Variants in ARSK observed in about 807,000 individuals in gnomAD.
ARSK encodes the protein arylsulfatase K.
ARSK carries 37 observed loss-of-function variants against 53.2 expected under a neutral mutation model. That is an observed-to-expected ratio of 0.70 (90% CI 0.54 to 0.92). The LOEUF is 0.92. Among genes scored for constraint, ARSK ranks in the 40% least tolerant of loss-of-function variants. The pLI, the probability that ARSK is intolerant of heterozygous loss-of-function variation, is 0.00. For missense variants in ARSK, 613 were observed against 643.0 expected, an observed-to-expected ratio of 0.95 and a Z score of 0.51; for synonymous variants, 208 against 223.2, an observed-to-expected ratio of 0.93 and a Z score of 0.61.
intron 6 of ARSK, among the ~76,000 whole-genome samples, chr5:95,594,573 G>C (rs1327530941): frequency 6.6e-6 from 1 of 152,208 alleles, no homozygotes; most frequent in Non-Finnish European, 1.5e-5. Flanking sequence ...TGGGCACGGT[G>C]GCTCACGCCT....
At chr5:95,566,183 C>T in intron 2 of ARSK, 56 bp downstream of exon 2, 1 of 1,581,290 alleles carries the variant, frequency 6.3e-7, no homozygotes, top group Non-Finnish European at 8.6e-7. Context: ...AAAATATATT[C>T]ACAGTTTAAA....
At chr5:95,569,465 G>T (rs1748786397) in intron 3 of ARSK, among the ~76,000 whole-genome samples, 1 of 152,058 alleles carries the variant, frequency 6.6e-6, no homozygotes. Context: ...AATCATGACT[G>T]CTGTCTTTAT....
intron 3 of ARSK, among the ~76,000 whole-genome samples, chr5:95,574,933 A>G (rs754134082): frequency 1.3e-5 from 2 of 152,146 alleles, no homozygotes; most frequent in Non-Finnish European, 2.9e-5. Context: ...CCAGTGTCCT[A>G]GAGAGTTTCC....
intron 5 of ARSK, among the ~76,000 whole-genome samples, chr5:95,589,558 T>A (rs989528488): frequency 6.6e-6 from 1 of 152,226 alleles, no homozygotes; most frequent in African/African-American, 2.4e-5. Flanking sequence ...GTTAGTTAGC[T>A]AAAGATAATG....
intron 6 of ARSK, among the ~76,000 whole-genome samples, chr5:95,598,994 A>T (rs947674426): frequency 1.2e-4 from 18 of 152,154 alleles, no homozygotes; most frequent in African/African-American, 3.9e-4. Flanking sequence ...CATGCCTGCC[A>T]TCACTCTCTA....
chr5:95,567,957 T>C lies in ARSK; in HGVS notation c.324T>C (p.Asn108=), dbSNP rs780761167. Residue 108 remains asparagine (N), a synonymous_variant, in exon 3 of 8, where the codon AAT becomes AAC. Transcript: ENST00000380009. ...ATAATTTTAAGGGTCTAGATCCAAA[T>C]TATACAACATGGATGGATGTCATGG... The part of the protein sequence containing the change: ...SWNNFKGLDP[N]YTTWMDVMER... The C allele has an allele frequency of 1.2e-6, 2 of 1,613,790 alleles. No homozygotes were observed. Among genetic ancestry groups the C allele is most frequent in the East Asian group, 4.5e-5 (2 of 44,866 alleles).
At chr5:95,597,772 T>TA (rs1458078035) in intron 6 of ARSK, among the ~76,000 whole-genome samples, 2 of 152,036 alleles carry the variant, frequency 1.3e-5, no homozygotes, top group Non-Finnish European at 1.5e-5. Flanking sequence ...TGTGCACCTG[T>TA]AATCCCAGCT....
chr5:95,588,604 C>T (rs1749162432), intron 5 of ARSK, among the ~76,000 whole-genome samples: 1 of 152,030 alleles, frequency 6.6e-6, no homozygotes, highest in African/African-American at 2.4e-5. Context: ...ACATTAAGTA[C>T]CTACTAGCTG....
intron 1 of ARSK, among the ~76,000 whole-genome samples, chr5:95,563,648 A>G (rs1468940347): frequency 6.6e-6 from 1 of 152,232 alleles, no homozygotes; most frequent in East Asian, 1.9e-4. Context: ...TTAATCTGAC[A>G]CATTAGTTAT....
chr5:95,584,468 A>G (rs1022439595), intron 4 of ARSK, among the ~76,000 whole-genome samples: 1 of 152,200 alleles, frequency 6.6e-6, no homozygotes, highest in African/African-American at 2.4e-5. Flanking sequence ...ATTCATGCAT[A>G]TCAAACCACA....
chr5:95,568,179 T>A, intron 3 of ARSK, 130 bp downstream of exon 3: 1 of 962,268 alleles, frequency 1.0e-6, no homozygotes. Flanking sequence ...TTCATTGTGT[T>A]AATTAGGCTG....
rs17552010 is a variant in ARSK, at chr5:95,555,635, TC to T, written c.126+232del. Among the ~76,000 whole-genome samples, 9,037 of 152,116 alleles carry T rather than the reference TC, an allele frequency of 0.059. 321 individuals are homozygous for T. The highest frequency in any genetic ancestry group is 0.11 in the East Asian group (567 of 5,170). Reference sequence around the variant, plus strand: ...GAAACACTGAAAACATCTTTGCAGATCTTTTTTTTTTAATACTGACCTCGAT... The same window carrying T: ...GAAACACTGAAAACATCTTTGCAGATTTTTTTTTTTAATACTGACCTCGAT... On this transcript the variant is annotated intron_variant, in intron 1 of 7. Transcript: ENST00000380009. The surrounding 1 kb of genome is among the most constrained non-coding windows in gnomAD (Gnocchi z 4.0).
intron 3 of ARSK, among the ~76,000 whole-genome samples, chr5:95,574,080 T>A (rs764302206): frequency 6.6e-6 from 1 of 152,194 alleles, no homozygotes; most frequent in Non-Finnish European, 1.5e-5. Context: ...CTCCCACAAA[T>A]AAGTGAGAAC....
At chr5:95,583,771 G>A (rs2112433782) in intron 4 of ARSK, among the ~76,000 whole-genome samples, 1 of 152,304 alleles carries the variant, frequency 6.6e-6, no homozygotes, top group Admixed American at 6.5e-5. Flanking sequence ...TTATGATACA[G>A]AGAAAGCATC....
chr5:95,588,703 C>T (rs1260092937), intron 5 of ARSK, among the ~76,000 whole-genome samples: 1 of 152,052 alleles, frequency 6.6e-6, no homozygotes, highest in African/African-American at 2.4e-5. Context: ...GTGGCTCACG[C>T]CTGTAATCCC....
Position 95,591,446 on chromosome 5 carries a change from C to G in ARSK, c.917C>G (p.Thr306Ser). Reference protein sequence around the residue: ...ALHQLDLLQKTIVIYSSDHGE... With the variant: ...ALHQLDLLQKSIVIYSSDHGE... ...CATCAATTAGATCTTCTTCAGAAAA[C>G]TATTGTCATATACTCCTCAGACCAT... The change falls in exon 6 of 8, where the codon ACT becomes AGT. Residue 306 changes from threonine (T) to serine (S), a missense_variant. Coordinates refer to ENST00000380009, the MANE Select transcript of ARSK (RefSeq NM_198150.3). The G allele has an allele frequency of 6.2e-7, 1 of 1,614,070 alleles. No homozygotes were observed. The highest frequency in any genetic ancestry group is 8.5e-7 in the Non-Finnish European group (1 of 1,179,956).
intron 3 of ARSK, among the ~76,000 whole-genome samples, chr5:95,568,295 G>C (rs534809647): frequency 2.6e-5 from 4 of 152,106 alleles, no homozygotes; most frequent in Non-Finnish European, 5.9e-5. Context: ...TTGTAAACTC[G>C]TTTAGCCCAC....
chr5:95,601,312 C>G (rs563557551), intron 7 of ARSK, among the ~76,000 whole-genome samples: 1 of 152,302 alleles, frequency 6.6e-6, no homozygotes, highest in East Asian at 1.9e-4. Context: ...CCAGTTTTCT[C>G]TGATCAGGGC....
intron 3 of ARSK, among the ~76,000 whole-genome samples, chr5:95,573,244 T>G (rs1748865864): frequency 6.6e-6 from 1 of 152,142 alleles, no homozygotes; most frequent in South Asian, 2.1e-4. Flanking sequence ...TTTTTAGAAT[T>G]AACAAAAAAT....
Sources: allele counts gnomAD v4.1 joint callset (sites outside exome capture counted in the v4.1 genomes callset), GRCh38; gene constraint gnomAD v4.1.1; non-coding constraint Gnocchi (gnomAD v3.1); transcripts MANE v1.5; gene names NCBI Gene and HGNC (gene_info 2026-07-23, HGNC 2026-07-21).